MECOM: variants seen among roughly 807,000 people sequenced by gnomAD.
MECOM encodes histone-lysine N-methyltransferase MECOM.
In MECOM, 13 loss-of-function variants were observed where a neutral mutation model predicts 116.3. The observed-to-expected ratio is 0.11, with a 90% CI of 0.07 to 0.18. The LOEUF is 0.18. Among genes scored for constraint, MECOM ranks in the 10% least tolerant of loss-of-function variants. The pLI is 1.00. For synonymous variants in MECOM, 528 were observed against 535.2 expected, an observed-to-expected ratio of 0.99 and a Z score of 0.19; for missense variants, 1,299 against 1,509.0, an observed-to-expected ratio of 0.86 and a Z score of 2.31.
chr3:169,635,958 C>G (rs529102602), intron 1 of MECOM, among the ~76,000 whole-genome samples: 1 of 152,294 alleles, frequency 6.6e-6, no homozygotes, highest in South Asian at 2.1e-4. Context: ...ACATTTGTAT[C>G]TACTGAGAGA....
chr3:169,137,740 A>G (rs1182633010), intron 3 of MECOM, among the ~76,000 whole-genome samples: 3 of 152,130 alleles, frequency 2.0e-5, no homozygotes, highest in Non-Finnish European at 4.4e-5. Flanking sequence ...TGTCAGTAAC[A>G]TGAAGAGAAA....
intron 1 of MECOM, among the ~76,000 whole-genome samples, chr3:169,485,862 G>A (rs113964306): frequency 0.025 from 2,667 of 108,838 alleles, 114 homozygotes; most frequent in East Asian, 0.063. Context: ...TATACCATAT[G>A]TATAGTATAT....
intron 13 of MECOM, 23 bp downstream of exon 13, chr3:169,095,053 T>G (rs374713014): frequency 2.8e-4 from 433 of 1,525,024 alleles, no homozygotes; most frequent in Non-Finnish European, 3.6e-4. Flanking sequence ...CATCTTTGAC[T>G]TATAACACAA....
intron 1 of MECOM, among the ~76,000 whole-genome samples, chr3:169,531,967 A>C (rs147198673): frequency 6.6e-6 from 1 of 152,318 alleles, no homozygotes; most frequent in Non-Finnish European, 1.5e-5. Flanking sequence ...CGCTGGATGC[A>C]TCATCTTGGG....
intron 2 of MECOM, among the ~76,000 whole-genome samples, chr3:169,237,777 C>T (rs959109839): frequency 6.6e-6 from 1 of 152,060 alleles, no homozygotes; most frequent in Non-Finnish European, 1.5e-5. Context: ...TTATATAGTT[C>T]ACCCATTTTT....
intron 1 of MECOM, among the ~76,000 whole-genome samples, chr3:169,640,511 T>C (rs572220629): frequency 1.3e-5 from 2 of 152,382 alleles, no homozygotes; most frequent in Admixed American, 6.5e-5. Context: ...TCTGTCCATC[T>C]GTGCTATTCT....
chr3:169,546,586 T>C (rs1262536015), intron 1 of MECOM, among the ~76,000 whole-genome samples: 6 of 152,224 alleles, frequency 3.9e-5, no homozygotes, highest in African/African-American at 1.4e-4. Context: ...AATAATGGCA[T>C]GTGGCACTGG....
rs1460728511 is a variant in MECOM at position 169,437,880 on chromosome 3, T to C, written c.38-56356A>G. Among the ~76,000 whole-genome samples the C allele has an allele frequency of 2.0e-5, 3 of 152,208 alleles. No individual in the cohort carries two copies. The East Asian group carries it at 5.8e-4, about 29-fold the overall frequency. ...CCTAATTGCAATGTCATATATAGAGTGACAAGAAATGCATAAAAATCTCAT... is the reference window on the plus strand; with the variant it reads ...CCTAATTGCAATGTCATATATAGAGCGACAAGAAATGCATAAAAATCTCAT... On this transcript the variant is annotated intron_variant, in intron 1 of 16. Transcript: ENST00000651503.
rs1719275663 is a variant in MECOM, at chr3:169,090,329, G to C, written c.3165-93C>G. On this transcript the variant is annotated intron_variant, in intron 14 of 16. Transcript: ENST00000651503. ...ATTATGTCTTCCCAACAACAGTTTAGATTTTCAACACTTAACATCGGAAAT... is the reference window on the plus strand; with the variant it reads ...ATTATGTCTTCCCAACAACAGTTTACATTTTCAACACTTAACATCGGAAAT... 46 of 1,086,624 alleles carry C rather than the reference G, an allele frequency of 4.2e-5. 1 individual carries two copies. In the South Asian group the frequency reaches 6.8e-4, roughly 16 times the overall value. 67.3% of individuals were successfully genotyped at this position (1,086,624 alleles called of 1,614,324 possible).
At chr3:169,149,908 T>G (rs1560284054) in intron 2 of MECOM, among the ~76,000 whole-genome samples, 1 of 151,200 alleles carries the variant, frequency 6.6e-6, no homozygotes, top group Non-Finnish European at 1.5e-5. Context: ...AACAAAACAC[T>G]AAATCTTAAT....
At chr3:169,580,222 G>GC (rs1319992894) in intron 1 of MECOM, among the ~76,000 whole-genome samples, 5 of 152,154 alleles carry the variant, frequency 3.3e-5, no homozygotes, top group Non-Finnish European at 7.3e-5. Context: ...TTTGGGGCAT[G>GC]CAATTTTTTT....
chr3:169,591,424 GGA>G (rs1029259898), intron 1 of MECOM, among the ~76,000 whole-genome samples: 1 of 152,150 alleles, frequency 6.6e-6, no homozygotes, highest in Non-Finnish European at 1.5e-5. Flanking sequence ...TGGAATGATT[GGA>G]GAGTCGAGAG....
At chr3:169,488,817 A>G (rs1752718128) in intron 1 of MECOM, among the ~76,000 whole-genome samples, 1 of 152,098 alleles carries the variant, frequency 6.6e-6, no homozygotes, top group South Asian at 2.1e-4. Context: ...AGCTAAACCA[A>G]TATTAGAGAA....
intron 2 of MECOM, among the ~76,000 whole-genome samples, chr3:169,262,196 C>T (rs1757663948): frequency 6.6e-6 from 1 of 152,166 alleles, no homozygotes; most frequent in Non-Finnish European, 1.5e-5. Flanking sequence ...AAGACTGTTG[C>T]TAACCAATAG....
intron 2 of MECOM, among the ~76,000 whole-genome samples, chr3:169,341,977 C>T (rs79573673): frequency 0.066 from 10,005 of 152,044 alleles, 597 homozygotes; most frequent in East Asian, 0.22. Flanking sequence ...ACCCACTATG[C>T]ACCCACAACA....
chr3:169,453,559 T>A lies in MECOM; in HGVS notation c.38-72035A>T, dbSNP rs4955658. Among the ~76,000 whole-genome samples, 1,474 of 152,080 alleles carry A rather than the reference T, an allele frequency of 9.7e-3. 28 individuals are homozygous for A. The highest frequency in any genetic ancestry group is 0.034 in the African/African-American group (1,415 of 41,474). On this transcript the variant is annotated intron_variant, in intron 1 of 16. Coordinates refer to ENST00000651503, the MANE Select transcript of MECOM (RefSeq NM_004991.4). ...ATCTGATTAGGAAAAGGAGGAGTACTTCTTTACTAAATTGGGGTTAAGGCA... is the reference window on the plus strand; with the variant it reads ...ATCTGATTAGGAAAAGGAGGAGTACATCTTTACTAAATTGGGGTTAAGGCA...
At chr3:169,101,872 C>T (rs1196687379) in intron 11 of MECOM, among the ~76,000 whole-genome samples, 188 bp downstream of exon 11, 6 of 152,176 alleles carry the variant, frequency 3.9e-5, no homozygotes, top group Non-Finnish European at 7.4e-5. Flanking sequence ...TTAAAATTCA[C>T]ATTTAATAAT....
chr3:169,226,404 A>G (rs1752734925), intron 2 of MECOM, among the ~76,000 whole-genome samples: 1 of 152,206 alleles, frequency 6.6e-6, no homozygotes, highest in Admixed American at 6.5e-5. Flanking sequence ...TATATGAAGT[A>G]TTTTATCTAT....
intron 1 of MECOM, chr3:169,389,438 T>A (rs567316143): frequency 2.5e-6 from 1 of 406,028 alleles, no homozygotes; most frequent in Admixed American, 6.4e-5. Context: ...TCCACTGGAA[T>A]GACCAGGTAA....
Sources: gnomAD v4.1 joint callset for allele counts (sites outside exome capture counted in the v4.1 genomes callset) on GRCh38, gnomAD v4.1.1 for gene constraint, MANE v1.5 for transcripts, NCBI Gene and HGNC (gene_info 2026-07-23, HGNC 2026-07-21) for gene names.